ANKS1B: variants seen among roughly 807,000 people sequenced by gnomAD.
The protein encoded by ANKS1B is ankyrin repeat and sterile alpha motif domain containing 1B.
In ANKS1B, 36 loss-of-function variants were observed where a neutral mutation model predicts 148.3. The ratio of observed to expected loss-of-function variants is 0.24; its 90% CI spans 0.19 to 0.32. The LOEUF is 0.32. ANKS1B is among the 10% of genes least tolerant of loss of function. ANKS1B has a pLI of 1.00. For synonymous variants in ANKS1B, 542 were observed against 560.8 expected (o/e 0.97, Z 0.47); for missense variants, 1,157 against 1,542.6 (o/e 0.75, Z 4.19).
intron 4 of ANKS1B, among the ~76,000 whole-genome samples, chr12:99,794,131 A>T (rs2065963200): frequency 6.6e-6 from 1 of 151,982 alleles, no homozygotes; most frequent in Admixed American, 6.6e-5. Context: ...ATGTCACCTC[A>T]CCCCAGTTAA....
chr12:99,684,385 A>G (rs555038236), intron 8 of ANKS1B, among the ~76,000 whole-genome samples: 281 of 150,754 alleles, frequency 1.9e-3, no homozygotes, highest in South Asian at 0.011. Flanking sequence ...AAAAAAAAAA[A>G]GGGAAAAAGA....
chr12:98,855,032 G>A (rs894985523), intron 17 of ANKS1B, among the ~76,000 whole-genome samples: 19 of 152,056 alleles, frequency 1.2e-4, no homozygotes, highest in African/African-American at 4.3e-4. Context: ...GGTGGCGGGC[G>A]CCTGTAGTCC....
intron 1 of ANKS1B, among the ~76,000 whole-genome samples, chr12:99,925,183 T>A (rs2094454114): frequency 1.3e-5 from 2 of 152,074 alleles, no homozygotes; most frequent in African/African-American, 4.8e-5. Flanking sequence ...CACAAGAATT[T>A]AACAGAAAGC....
chr12:98,999,951 G>A (rs1442091167), intron 17 of ANKS1B, among the ~76,000 whole-genome samples: 2 of 152,242 alleles, frequency 1.3e-5, no homozygotes, highest in South Asian at 2.1e-4. Context: ...CAAATTTTAC[G>A]AGAGTGATGA....
chr12:99,166,315 G>A (rs1459693763), intron 14 of ANKS1B, among the ~76,000 whole-genome samples: 1 of 151,798 alleles, frequency 6.6e-6, no homozygotes, highest in Non-Finnish European at 1.5e-5. Context: ...TATTGGAAAG[G>A]AAGCAGTAGA....
At chr12:99,753,353 T>A (rs1392068566) in intron 8 of ANKS1B, among the ~76,000 whole-genome samples, 2 of 152,082 alleles carry the variant, frequency 1.3e-5, no homozygotes, top group African/African-American at 4.8e-5. Context: ...GAATAAGCTA[T>A]ACTGGTGGCA....
chr12:99,881,265 A>G (rs2092463089), intron 1 of ANKS1B, among the ~76,000 whole-genome samples: 1 of 152,188 alleles, frequency 6.6e-6, no homozygotes, highest in Admixed American at 6.5e-5. Context: ...TTTCTCTTAT[A>G]TCATCATTAT....
chr12:98,972,432 C>T (rs2099883993), intron 17 of ANKS1B, among the ~76,000 whole-genome samples: 1 of 152,118 alleles, frequency 6.6e-6, no homozygotes, highest in Non-Finnish European at 1.5e-5. Flanking sequence ...TACATTATCT[C>T]GTTTAACTCT....
At chr12:99,148,950 CTGTT>C (rs1456840392) in intron 15 of ANKS1B, among the ~76,000 whole-genome samples, 3 of 151,972 alleles carry the variant, frequency 2.0e-5, no homozygotes, top group Non-Finnish European at 4.4e-5. Flanking sequence ...TGAGCCTAGA[CTGTT>C]TGAGAAATAA....
At chr12:99,467,732 G>A (rs1595406388) in intron 10 of ANKS1B, among the ~76,000 whole-genome samples, 1 of 152,090 alleles carries the variant, frequency 6.6e-6, no homozygotes, top group East Asian at 1.9e-4. Context: ...CAACTTATAA[G>A]GGACATGAAG....
chr12:98,743,868 C>CAATT, downstream of ANKS1B: 2 of 461,946 alleles, frequency 4.3e-6, no homozygotes, highest in Non-Finnish European at 5.7e-6. Flanking sequence ...ACAATTTTGC[C>CAATT]AATTAAAAAA....
intron 9 of ANKS1B, among the ~76,000 whole-genome samples, chr12:99,546,064 G>A (rs1250733093): frequency 6.6e-6 from 1 of 151,998 alleles, no homozygotes; most frequent in Non-Finnish European, 1.5e-5. Context: ...AGATGAAATG[G>A]TCCAAGTCAA....
chr12:99,972,139 TC>T (rs1172308350), intron 1 of ANKS1B, among the ~76,000 whole-genome samples: 10 of 152,216 alleles, frequency 6.6e-5, no homozygotes, highest in Middle Eastern at 3.2e-3. Flanking sequence ...TCCTTGGGCC[TC>T]CCTATTCCCT....
chr12:99,340,773 C>T (rs1317237968), intron 12 of ANKS1B, among the ~76,000 whole-genome samples: 1 of 151,816 alleles, frequency 6.6e-6, no homozygotes, highest in Non-Finnish European at 1.5e-5. Context: ...AAAAAAAATG[C>T]AAAGCACTAT....
At chr12:99,642,877 C>T (rs548578606) in intron 9 of ANKS1B, among the ~76,000 whole-genome samples, 14 of 152,252 alleles carry the variant, frequency 9.2e-5, no homozygotes, top group African/African-American at 3.4e-4. Flanking sequence ...ACCTGTATTC[C>T]TTGGCTCATA....
At chr12:99,676,164 C>T (rs1019866370) in intron 8 of ANKS1B, among the ~76,000 whole-genome samples, 2 of 152,068 alleles carry the variant, frequency 1.3e-5, no homozygotes, top group African/African-American at 4.8e-5. Context: ...GACATGTTTG[C>T]TTCCCCTTCT....
chr12:99,221,582 CAT>C (rs1184881858), intron 14 of ANKS1B, among the ~76,000 whole-genome samples: 1 of 152,036 alleles, frequency 6.6e-6, no homozygotes, highest in Non-Finnish European at 1.5e-5. Flanking sequence ...GGAACTTAAA[CAT>C]ATGAAAAAAA....
At chr12:99,558,038 G>A (rs1277000376) in intron 9 of ANKS1B, among the ~76,000 whole-genome samples, 1 of 152,114 alleles carries the variant, frequency 6.6e-6, no homozygotes, top group African/African-American at 2.4e-5. Flanking sequence ...TGGTGGAGGG[G>A]CCGAGGTATT....
intron 12 of ANKS1B, among the ~76,000 whole-genome samples, chr12:99,274,413 T>C (rs79601021): frequency 0.015 from 2,212 of 152,266 alleles, 56 homozygotes; most frequent in African/African-American, 0.052. Flanking sequence ...AATCTTAGAT[T>C]GTCATTAGAT....
Sources: allele counts gnomAD v4.1 joint callset (sites outside exome capture counted in the v4.1 genomes callset), GRCh38; gene constraint gnomAD v4.1.1; transcripts MANE v1.5; gene names NCBI Gene and HGNC (gene_info 2026-07-23, HGNC 2026-07-21).